The following LMNTD1 variants were observed in gnomAD, a reference collection of about 807,000 sequenced individuals.
LMNTD1 encodes the protein lamin tail domain-containing protein 1.
LMNTD1 carries 35 observed loss-of-function variants against 50.9 expected under a neutral mutation model. The observed-to-expected ratio is 0.69, with a 90% CI of 0.53 to 0.91. LMNTD1 has a LOEUF of 0.91. LMNTD1 is among the 40% of genes least tolerant of loss of function. LMNTD1 has a pLI of 0.00. For missense variants in LMNTD1, 470 were observed against 475.5 expected, an observed-to-expected ratio of 0.99 and a Z score of 0.11; for synonymous variants, 153 against 161.9, an observed-to-expected ratio of 0.94 and a Z score of 0.42.
chr12:25,530,619 T>C (rs1942155850), intron 4 of LMNTD1, among the ~76,000 whole-genome samples: 1 of 152,224 alleles, frequency 6.6e-6, no homozygotes, highest in African/African-American at 2.4e-5. Context: ...GTTCATCCTG[T>C]GTGTATGCCA....
intron 1 of LMNTD1, among the ~76,000 whole-genome samples, chr12:25,613,681 A>G (rs1026981524): frequency 2.6e-5 from 4 of 152,188 alleles, no homozygotes; most frequent in Non-Finnish European, 5.9e-5. Context: ...AGATGATTGA[A>G]TGCATGCATA....
At chr12:25,560,452 A>G (rs545361662) in intron 1 of LMNTD1, among the ~76,000 whole-genome samples, 125 of 152,252 alleles carry the variant, frequency 8.2e-4, no homozygotes, top group Middle Eastern at 3.4e-3. Context: ...CTAGCCTTGT[A>G]GTATAGTTTG....
chr12:25,554,929 G>C (rs568227865), upstream of LMNTD1, among the ~76,000 whole-genome samples: 34 of 152,204 alleles, frequency 2.2e-4, no homozygotes, highest in African/African-American at 6.3e-4. Flanking sequence ...AGCTGGGTGT[G>C]GTGGCGGGTG....
chr12:25,552,345 G>A (rs1013151697), intron 2 of LMNTD1, among the ~76,000 whole-genome samples: 4 of 151,894 alleles, frequency 2.6e-5, no homozygotes, highest in South Asian at 2.1e-4. Flanking sequence ...GAGGCCAGGC[G>A]CGGTGGCTCA....
intron 1 of LMNTD1, among the ~76,000 whole-genome samples, chr12:25,637,926 A>T (rs1946870934): frequency 6.6e-6 from 1 of 152,104 alleles, no homozygotes. Context: ...CTAATATTCC[A>T]TATTCACATA....
intron 6 of LMNTD1, among the ~76,000 whole-genome samples, chr12:25,522,971 T>C (rs188263610): frequency 6.6e-6 from 1 of 152,208 alleles, no homozygotes; most frequent in Non-Finnish European, 1.5e-5. Context: ...AGTGACAAGA[T>C]GACTCAAAAA....
intron 1 of LMNTD1, among the ~76,000 whole-genome samples, chr12:25,564,315 G>C (rs890087547): frequency 6.6e-6 from 1 of 152,218 alleles, no homozygotes. Context: ...CTGGAGGGCA[G>C]TGGCACAATC....
intron 1 of LMNTD1, among the ~76,000 whole-genome samples, chr12:25,618,365 G>A (rs1428138091): frequency 6.6e-6 from 1 of 152,156 alleles, no homozygotes; most frequent in Non-Finnish European, 1.5e-5. Context: ...CTGTGCAGCT[G>A]CAAGTGAGGA....
intron 1 of LMNTD1, among the ~76,000 whole-genome samples, chr12:25,635,252 G>GAA (rs61645838): frequency 0.027 from 3,400 of 127,982 alleles, 125 homozygotes; most frequent in African/African-American, 0.085. Flanking sequence ...AAAAAAAAAA[G>GAA]AAAAAAAAAA....
At chr12:25,498,408 A>ACTC (rs1939187109) in intron 9 of LMNTD1, among the ~76,000 whole-genome samples, 1 of 152,126 alleles carries the variant, frequency 6.6e-6, no homozygotes, top group Non-Finnish European at 1.5e-5. Context: ...CCAGCTGGTT[A>ACTC]CTCCGTAGAA....
intron 1 of LMNTD1, among the ~76,000 whole-genome samples, chr12:25,575,859 C>A (rs1270756256): frequency 6.6e-6 from 1 of 152,104 alleles, no homozygotes; most frequent in East Asian, 1.9e-4. Context: ...CCATGACAGG[C>A]CCCAGTGTGT....
At chr12:25,564,461 G>T (rs1222250649) in intron 1 of LMNTD1, among the ~76,000 whole-genome samples, 3 of 152,162 alleles carry the variant, frequency 2.0e-5, no homozygotes, top group Non-Finnish European at 4.4e-5. Context: ...GTTTCACCCT[G>T]TTGGCCAGGC....
At chr12:25,484,994 A>T (rs1448858259) in intron 9 of LMNTD1, among the ~76,000 whole-genome samples, 2 of 152,034 alleles carry the variant, frequency 1.3e-5, no homozygotes, top group South Asian at 2.1e-4. Flanking sequence ...TAGCTGCATG[A>T]TTTATAGTCC....
At chr12:25,594,179 G>A (rs1227927376) in intron 1 of LMNTD1, among the ~76,000 whole-genome samples, 1 of 152,136 alleles carries the variant, frequency 6.6e-6, no homozygotes, top group Non-Finnish European at 1.5e-5. Flanking sequence ...GCCTTGCTAG[G>A]ACCTAGACAT....
intron 2 of LMNTD1, among the ~76,000 whole-genome samples, chr12:25,550,689 T>C (rs1943694371): frequency 6.6e-6 from 1 of 152,172 alleles, no homozygotes; most frequent in Non-Finnish European, 1.5e-5. Flanking sequence ...TACTCTGCCA[T>C]CTTGCTGCTG....
intron 8 of LMNTD1, among the ~76,000 whole-genome samples, chr12:25,518,363 A>C (rs1678549): frequency 0.65 from 98,161 of 152,092 alleles, 34,141 homozygotes; most frequent in Non-Finnish European, 0.78. Context: ...CTTTATTTAG[A>C]GGACTTAAGA....
In LMNTD1 at chr12:25,552,852, C is replaced by T. The variant is rs1467673976; in HGVS notation, c.89+19G>A. 5 of 1,408,646 alleles carry T rather than the reference C, an allele frequency of 3.5e-6. No homozygotes were observed. Among genetic ancestry groups the T allele is most frequent in the East Asian group, 5.0e-5 (2 of 40,262 alleles). The allele number at this position is 1,408,646 out of a possible 1,614,324, so 87.3% of individuals were successfully genotyped here. On this transcript the variant is annotated intron_variant, in intron 2 of 9. Transcript: ENST00000458174. ...AACTCAGCTCTAACTCTGCTTCCAT[C>T]GCATCTATGCATGCTCACTGTTTTT...
At chr12:25,552,252 T>A (rs1943792113) in intron 2 of LMNTD1, among the ~76,000 whole-genome samples, 1 of 152,048 alleles carries the variant, frequency 6.6e-6, no homozygotes, top group South Asian at 2.1e-4. Context: ...ATTCTGGTAA[T>A]TTTTTTGTCC....
intron 8 of LMNTD1, among the ~76,000 whole-genome samples, chr12:25,506,790 A>C (rs1939819324): frequency 6.6e-6 from 1 of 151,820 alleles, no homozygotes. Flanking sequence ...ATTTAAACAT[A>C]CAGAAAATGT....
Sources: gnomAD v4.1 joint callset for allele counts (sites outside exome capture counted in the v4.1 genomes callset) on GRCh38, gnomAD v4.1.1 for gene constraint, MANE v1.5 for transcripts, NCBI Gene and HGNC (gene_info 2026-07-23, HGNC 2026-07-21) for gene names.